Variants in JPH3 observed in about 807,000 individuals in gnomAD.
JPH3 encodes junctophilin-3.
A neutral mutation model predicts 59.6 loss-of-function variants in JPH3; 11 were observed. The observed-to-expected ratio is 0.18, with a 90% CI of 0.12 to 0.31. The LOEUF (loss-of-function observed/expected upper bound fraction) is 0.31, where lower values mean the gene tolerates loss of function less well. Among genes scored for constraint, JPH3 ranks in the 10% least tolerant of loss-of-function variants. The probability of loss-of-function intolerance (pLI) is 1.00; values close to 1 mark genes in which losing one functional copy is unlikely to be tolerated. For missense variants in JPH3, 1,202 were observed against 1,105.7 expected, an observed-to-expected ratio of 1.09 and a Z score of -1.24; for synonymous variants, 673 against 483.6, an observed-to-expected ratio of 1.39 and a Z score of -5.14.
At chr16:87,601,999 C>T (rs372701319), upstream of JPH3, 1 of 151,968 alleles carries the variant, frequency 6.6e-6, no homozygotes, top group Non-Finnish European at 1.5e-5. Context: ...TGTTTGTCAC[C>T]GGAGAAAACC....
At chr16:87,620,371 C>CG (rs1354530724) in intron 1 of JPH3, among the ~76,000 whole-genome samples, 26 of 67,756 alleles carry the variant, frequency 3.8e-4, no homozygotes, top group East Asian at 7.2e-4. Context: ...AGAGCGGGGA[C>CG]GGGGGGCAAA....
intron 1 of JPH3, among the ~76,000 whole-genome samples, chr16:87,638,329 G>T (rs1191058558): frequency 3.9e-5 from 6 of 152,194 alleles, no homozygotes; most frequent in Non-Finnish European, 7.3e-5. Context: ...TTTTGTGTTT[G>T]CTCCAGCCCT....
chr16:87,683,881 C>G, intron 2 of JPH3: 1 of 436,694 alleles, frequency 2.3e-6, no homozygotes, highest in South Asian at 3.1e-5. Flanking sequence ...GCTGGGATTA[C>G]AGGCGTGAGC....
At chr16:87,692,810 C>A (rs1024903329) in intron 4 of JPH3, among the ~76,000 whole-genome samples, 1 of 152,212 alleles carries the variant, frequency 6.6e-6, no homozygotes, top group Non-Finnish European at 1.5e-5. Flanking sequence ...AGCTTCCCTC[C>A]TGCGGGCAGC....
intron 2 of JPH3, among the ~76,000 whole-genome samples, chr16:87,673,495 ATC>A (rs1474431758): frequency 1.3e-5 from 2 of 152,220 alleles, no homozygotes; most frequent in African/African-American, 4.8e-5. Flanking sequence ...TTCTGGAAGT[ATC>A]TTCTGAAGAT....
At chr16:87,676,968 G>A (rs576066653) in intron 2 of JPH3, among the ~76,000 whole-genome samples, 2 of 151,726 alleles carry the variant, frequency 1.3e-5, no homozygotes, top group African/African-American at 2.4e-5. Context: ...TCAGGAGATC[G>A]AAACCATGGT....
intron 2 of JPH3, among the ~76,000 whole-genome samples, chr16:87,678,292 C>T (rs1016850626): frequency 2.0e-5 from 3 of 151,940 alleles, no homozygotes; most frequent in Non-Finnish European, 1.5e-5. Flanking sequence ...ATCTGTAATC[C>T]CAGCACTTTG....
At chr16:87,622,203 C>T (rs538885395) in intron 1 of JPH3, among the ~76,000 whole-genome samples, 6 of 152,288 alleles carry the variant, frequency 3.9e-5, no homozygotes, top group South Asian at 4.1e-4. Context: ...GCCTGCCTTC[C>T]GAGGCCTCAG....
intron 1 of JPH3, among the ~76,000 whole-genome samples, chr16:87,640,430 G>A (rs886689312): frequency 2.6e-5 from 4 of 151,310 alleles, no homozygotes; most frequent in African/African-American, 4.9e-5. Context: ...TTGCTCTGTC[G>A]CCCAGGCTGG....
chr16:87,669,343 T>G (rs1256581271), intron 2 of JPH3, among the ~76,000 whole-genome samples: 1 of 152,132 alleles, frequency 6.6e-6, no homozygotes, highest in African/African-American at 2.4e-5. Flanking sequence ...CATGCCTGAC[T>G]TGGGAGGGGT....
chr16:87,653,734 G>GA (rs1261914717), intron 2 of JPH3: 1 of 152,184 alleles, frequency 6.6e-6, no homozygotes, highest in Non-Finnish European at 1.5e-5. Context: ...ACTGTAATTG[G>GA]AAATAGGGTC....
At position 87,621,339 on chromosome 16, in the gene JPH3, C is replaced by T. The variant is rs115371053; in HGVS notation, c.382+17811C>T. 8.7e-3 allele frequency among the ~76,000 whole-genome samples: 1,320 copies of T among 152,222 alleles called. 21 individuals are homozygous for T. The highest frequency in any genetic ancestry group is 0.03 in the African/African-American group (1,238 of 41,532). On this transcript the variant is annotated intron_variant, in intron 1 of 4. Transcript: ENST00000284262. Reference sequence around the variant, plus strand: ...ACTCCAAAATCCTATAGACGGAGTCCGGGGGAGGGGGTTCGGGACAGGAAC... The same window carrying T: ...ACTCCAAAATCCTATAGACGGAGTCTGGGGGAGGGGGTTCGGGACAGGAAC...
intron 1 of JPH3, among the ~76,000 whole-genome samples, chr16:87,642,732 G>A (rs1255967778): frequency 6.6e-6 from 1 of 152,234 alleles, no homozygotes; most frequent in Non-Finnish European, 1.5e-5. Flanking sequence ...CTGAGGCCCA[G>A]CCGTCCTCAC....
intron 2 of JPH3, among the ~76,000 whole-genome samples, chr16:87,662,397 C>T (rs1310516609): frequency 6.6e-6 from 1 of 151,944 alleles, no homozygotes; most frequent in Non-Finnish European, 1.5e-5. Flanking sequence ...ATTTTCCCCT[C>T]TGCCTGACTT....
chr16:87,690,373 G>A lies in JPH3; in HGVS notation c.2013G>A (p.Ala671=), dbSNP rs539078558. ...NKENFRPASS[A]EPAVQKLASL... is the part of the protein sequence containing the mutation. ...AGAACTTCAGGCCGGCCTCCTCCGC[G>A]GAGCCCGCCGTGCAGAAACTGGCGA... The change falls in exon 4 of 5, where the codon GCG becomes GCA. Residue 671 remains alanine (A), a synonymous_variant. Coordinates refer to ENST00000284262, the MANE Select transcript of JPH3 (RefSeq NM_020655.4). The A allele has an allele frequency of 2.6e-6, 4 of 1,536,856 alleles. No individual in the cohort carries two copies. Among genetic ancestry groups the A allele is most frequent in the Non-Finnish European group, 2.6e-6 (3 of 1,144,250 alleles).
intron 1 of JPH3, among the ~76,000 whole-genome samples, chr16:87,616,074 G>T (rs1418484338): frequency 6.6e-6 from 1 of 152,168 alleles, no homozygotes; most frequent in Non-Finnish European, 1.5e-5. Context: ...TGGGAGAAGG[G>T]CACGGGGTCT....
intron 2 of JPH3, among the ~76,000 whole-genome samples, chr16:87,674,727 TC>T (rs2033102216): frequency 6.6e-6 from 1 of 152,192 alleles, no homozygotes; most frequent in Non-Finnish European, 1.5e-5. Flanking sequence ...TAAAATTTTT[TC>T]TAAAGAACTT....
At chr16:87,605,779 G>A (rs143207994) in intron 1 of JPH3, among the ~76,000 whole-genome samples, 1,933 of 152,254 alleles carry the variant, frequency 0.013, 37 homozygotes, top group African/African-American at 0.044. Context: ...AGGGATCCCC[G>A]ATCTGTCTGG....
At chr16:87,614,685 CGCGCGTCCCCTCCCGGG>C (rs2030880208) in intron 1 of JPH3, among the ~76,000 whole-genome samples, 1 of 131,162 alleles carries the variant, frequency 7.6e-6, no homozygotes, top group African/African-American at 2.9e-5. Flanking sequence ...CGTGAGGAGC[CGCGCGTCCCCTCCCGGG>C]ATAAACTCTG....
Sources: gnomAD v4.1 joint callset for allele counts (sites outside exome capture counted in the v4.1 genomes callset) on GRCh38, gnomAD v4.1.1 for gene constraint, MANE v1.5 for transcripts, NCBI Gene and HGNC (gene_info 2026-07-23, HGNC 2026-07-21) for gene names.